Variants in CAMKMT observed in about 807,000 individuals in gnomAD.
CAMKMT encodes the protein calmodulin-lysine N-methyltransferase.
In CAMKMT, 53 loss-of-function variants were observed where a neutral mutation model predicts 48.0. That is an observed-to-expected ratio of 1.10 (90% CI 0.89 to 1.39). CAMKMT has a LOEUF of 1.39. Ranked by LOEUF, CAMKMT falls within the 40% of genes most tolerant of loss-of-function variation. CAMKMT has a pLI of 0.00. For missense variants in CAMKMT, 428 were observed against 402.7 expected (o/e 1.06, Z -0.54); for synonymous variants, 165 against 152.3 (o/e 1.08, Z -0.61).
chr2:44,375,608 A>C (rs1334976049), intron 2 of CAMKMT, among the ~76,000 whole-genome samples: 1 of 152,194 alleles, frequency 6.6e-6, no homozygotes, highest in Non-Finnish European at 1.5e-5. Context: ...ATCTGGAAGT[A>C]CTTGAAAGTT....
intron 3 of CAMKMT, among the ~76,000 whole-genome samples, chr2:44,406,758 T>C (rs1030592834): frequency 6.6e-6 from 1 of 152,008 alleles, no homozygotes; most frequent in East Asian, 1.9e-4. Context: ...TACCAGGCCC[T>C]GCTTGTTTTT....
chr2:44,419,877 A>AC (rs1558598377), intron 3 of CAMKMT, among the ~76,000 whole-genome samples: 1 of 151,162 alleles, frequency 6.6e-6, no homozygotes. Context: ...CTTTAAAAAA[A>AC]TTTTTTTTTT....
At chr2:44,595,309 C>A in intron 3 of CAMKMT, among the ~76,000 whole-genome samples, 1 of 152,102 alleles carries the variant, frequency 6.6e-6, no homozygotes, top group East Asian at 1.9e-4. Context: ...TGGGTATATA[C>A]CCAAAGGATT....
At chr2:44,464,063 AAG>A (rs34853035) in intron 3 of CAMKMT, among the ~76,000 whole-genome samples, 93,059 of 151,870 alleles carry the variant, frequency 0.61, 29,130 homozygotes, top group Admixed American at 0.68. Flanking sequence ...AATGTGTTAC[AAG>A]AGAATACAGA....
chr2:44,715,415 G>T, intron 7 of CAMKMT, 62 bp downstream of exon 7: 2 of 1,207,734 alleles, frequency 1.7e-6, no homozygotes, highest in Non-Finnish European at 2.4e-6. Context: ...TACTATGGAT[G>T]GTTATTAAAA....
At chr2:44,509,355 C>T (rs966277554) in intron 3 of CAMKMT, among the ~76,000 whole-genome samples, 5 of 151,922 alleles carry the variant, frequency 3.3e-5, no homozygotes, top group Non-Finnish European at 5.9e-5. Flanking sequence ...CTCTTTGTCA[C>T]CCAGGCTGGA....
intron 3 of CAMKMT, among the ~76,000 whole-genome samples, chr2:44,630,157 A>G (rs140707656): frequency 0.12 from 18,473 of 151,736 alleles, 1,298 homozygotes; most frequent in Admixed American, 0.22. Context: ...AGGATTCCCT[A>G]TTTAATAAAT....
At chr2:44,644,612 C>T (rs974203264) in intron 3 of CAMKMT, among the ~76,000 whole-genome samples, 19 of 152,266 alleles carry the variant, frequency 1.2e-4, no homozygotes, top group Admixed American at 1.2e-3. Context: ...TGTTTTATTT[C>T]GTTGACATCT....
At chr2:44,686,403 A>C (rs192028143) in intron 3 of CAMKMT, among the ~76,000 whole-genome samples, 2,271 of 151,740 alleles carry the variant, frequency 0.015, 59 homozygotes, top group African/African-American at 0.051. Flanking sequence ...AAAAAAAAAA[A>C]AAAACAAAAC....
At chr2:44,655,632 G>T (rs1416645285) in intron 3 of CAMKMT, among the ~76,000 whole-genome samples, 2 of 152,154 alleles carry the variant, frequency 1.3e-5, no homozygotes, top group African/African-American at 4.8e-5. Flanking sequence ...TGATTATCCA[G>T]GCAAGGCCAC....
intron 3 of CAMKMT, among the ~76,000 whole-genome samples, chr2:44,440,608 C>T (rs974787292): frequency 2.6e-5 from 4 of 151,090 alleles, no homozygotes; most frequent in Non-Finnish European, 3.0e-5. Context: ...ATCAAAATTT[C>T]AGCTCCCCAT....
At chr2:44,560,237 A>G (rs1408201945) in intron 3 of CAMKMT, among the ~76,000 whole-genome samples, 1 of 152,176 alleles carries the variant, frequency 6.6e-6, no homozygotes, top group Admixed American at 6.5e-5. Context: ...GGCTTAGTTA[A>G]ATGTCTTCTT....
intron 9 of CAMKMT, among the ~76,000 whole-genome samples, chr2:44,763,740 G>C (rs897534233): frequency 6.6e-6 from 1 of 152,196 alleles, no homozygotes; most frequent in African/African-American, 2.4e-5. Flanking sequence ...TTTAGGCAGA[G>C]AGTGCTGTCA....
At chr2:44,375,616 G>A (rs915917587) in intron 2 of CAMKMT, among the ~76,000 whole-genome samples, 8 of 152,138 alleles carry the variant, frequency 5.3e-5, no homozygotes, top group Admixed American at 2.6e-4. Context: ...GTACTTGAAA[G>A]TTCTGGGAGA....
intron 3 of CAMKMT, among the ~76,000 whole-genome samples, chr2:44,624,577 G>C (rs1050039402): frequency 8.5e-5 from 13 of 152,220 alleles, no homozygotes; most frequent in African/African-American, 2.9e-4. Flanking sequence ...AACATGCGGT[G>C]TTTGGTTTTT....
intron 3 of CAMKMT, among the ~76,000 whole-genome samples, chr2:44,390,794 C>T (rs982490131): frequency 6.6e-6 from 1 of 152,036 alleles, no homozygotes; most frequent in Non-Finnish European, 1.5e-5. Flanking sequence ...TTGTTTGATG[C>T]AGTATTACAA....
chr2:44,438,065 C>T (rs1666391898), intron 3 of CAMKMT, among the ~76,000 whole-genome samples: 1 of 152,026 alleles, frequency 6.6e-6, no homozygotes, highest in East Asian at 1.9e-4. Context: ...TTGGCAGTAA[C>T]TCTTTGAGAA....
intron 3 of CAMKMT, among the ~76,000 whole-genome samples, chr2:44,661,647 G>A (rs998697600): frequency 6.6e-6 from 1 of 152,104 alleles, no homozygotes; most frequent in Non-Finnish European, 1.5e-5. Flanking sequence ...GATTTTGCTA[G>A]TTTCATTAAT....
intron 7 of CAMKMT, among the ~76,000 whole-genome samples, chr2:44,732,232 G>T (rs1255743265): frequency 6.6e-6 from 1 of 152,178 alleles, no homozygotes; most frequent in African/African-American, 2.4e-5. Context: ...GGGATTACAG[G>T]CATGAGCCAT....
Sources: gnomAD v4.1 joint callset for allele counts (sites outside exome capture counted in the v4.1 genomes callset) on GRCh38, gnomAD v4.1.1 for gene constraint, MANE v1.5 for transcripts, NCBI Gene and HGNC (gene_info 2026-07-23, HGNC 2026-07-21) for gene names.